Variants in MYL3 observed in about 807,000 individuals in gnomAD.
The protein encoded by MYL3 is CMLC1.
Under a neutral mutation model 21.3 loss-of-function variants are expected in MYL3, and 11 were observed. That is an observed-to-expected ratio of 0.52 (90% CI 0.32 to 0.85). The LOEUF is 0.85. Ranked by LOEUF, MYL3 falls within the 40% of genes least tolerant of loss-of-function variation. The probability of loss-of-function intolerance (pLI) is 0.03; values close to 1 mark genes in which losing one functional copy is unlikely to be tolerated. For missense variants in MYL3, 206 were observed against 253.3 expected (o/e 0.81, Z 1.27); for synonymous variants, 88 against 91.6 (o/e 0.96, Z 0.22).
Position 46,874,208 on chromosome 3 carries a change from T to A in MYL3, c.-217-7608A>T, listed in dbSNP as rs2030064420. On this transcript the variant is annotated intron_variant, in intron 1 of 3. Transcript: ENST00000431168. This position sits in a 1 kb window ranked among gnomAD's most constrained non-coding sequence, Gnocchi z 4.1. The stretch of plus-strand genomic sequence containing the variant: ...CAGTTCAGCCAATGTCCACGGTGCC[T>A]CTGGGCCAGGCTTGGTGCAGCCTGC... Among the ~76,000 whole-genome samples, 2 of 152,174 alleles carry A rather than the reference T, an allele frequency of 1.3e-5. No homozygotes were observed. Among genetic ancestry groups the A allele is most frequent in the South Asian group, 2.1e-4 (1 of 4,830 alleles).
rs1221520963 is a variant in MYL3, at chr3:46,859,468, C to T, written c.481+7G>A. The T allele has an allele frequency of 6.2e-7, 1 of 1,613,928 alleles. No individual in the cohort carries two copies. Among genetic ancestry groups the T allele is most frequent in the Non-Finnish European group, 8.5e-7 (1 of 1,179,990 alleles). Reference sequence around the variant, plus strand: ...GGAGTTGGGGTAGGGGAGGAGGCTGCCCTCACCCAGCGTGGCCAGCACGTG... The same window carrying T: ...GGAGTTGGGGTAGGGGAGGAGGCTGTCCTCACCCAGCGTGGCCAGCACGTG... On this transcript the variant is annotated splice_region_variant and intron_variant, in intron 4 of 6. Coordinates refer to ENST00000292327, the MANE Select transcript of MYL3 (RefSeq NM_000258.3). The surrounding 1 kb of genome is among the most constrained non-coding windows in gnomAD (Gnocchi z 4.1).
rs1300664035 is a variant in MYL3, at chr3:46,860,078, T to C, written c.308-430A>G. On this transcript the variant is annotated intron_variant, in intron 3 of 6. Coordinates refer to ENST00000292327, the MANE Select transcript of MYL3 (RefSeq NM_000258.3). The surrounding 1 kb of genome is among the most constrained non-coding windows in gnomAD (Gnocchi z 4.6). ...TTGGTGGGGGCTTGGGCCTCACTCC[T>C]TTTTTTTTTTTTAGCTTTAAAATTT... 4.3e-5 allele frequency among the ~76,000 whole-genome samples: 6 copies of C among 140,526 alleles called. No homozygotes were observed. Among genetic ancestry groups the C allele is most frequent in the Admixed American group, 2.8e-4 (4 of 14,104 alleles). 92.2% of individuals were successfully genotyped at this position (140,526 alleles called of 152,430 possible).
Position 46,860,548 on chromosome 3 carries a change from G to A in MYL3, c.307+128C>T, listed in dbSNP as rs752517071. 8.6e-5 allele frequency: 116 copies of A among 1,343,566 alleles called. No individual in the cohort carries two copies. Among genetic ancestry groups the A allele is most frequent in the East Asian group, 1.2e-4 (5 of 40,070 alleles). 83.2% of individuals were successfully genotyped at this position (1,343,566 alleles called of 1,614,324 possible). Reference sequence around the variant, plus strand: ...TCGGCATGGCCCTGTGACTGGCCTCGGTGCCCTCATCGGGACAATGCGAGA... The same window carrying A: ...TCGGCATGGCCCTGTGACTGGCCTCAGTGCCCTCATCGGGACAATGCGAGA... On this transcript the variant is annotated intron_variant, in intron 3 of 6. Transcript: ENST00000292327. This position sits in a 1 kb window ranked among gnomAD's most constrained non-coding sequence, Gnocchi z 4.6.
upstream of MYL3, chr3:46,863,589 C>G: frequency 1.7e-6 from 1 of 585,490 alleles, no homozygotes; most frequent in Non-Finnish European, 3.0e-6. Context: ...GGGCATTGTT[C>G]AGGCTCAGGA....
Position 46,859,383 on chromosome 3 carries a change from C to T in MYL3, c.481+92G>A. ...CCTAATTATGTAACTCTCTCCATTT[C>T]ACCAATGGGTCACAGGCCTGGGGGG... On this transcript the variant is annotated intron_variant, in intron 4 of 6. Coordinates refer to ENST00000292327, the MANE Select transcript of MYL3 (RefSeq NM_000258.3). The surrounding 1 kb of genome is among the most constrained non-coding windows in gnomAD (Gnocchi z 4.1). 1.3e-6 allele frequency: 2 copies of T among 1,526,818 alleles called. No individual in the cohort carries two copies. The highest frequency in any genetic ancestry group is 1.8e-6 in the Non-Finnish European group (2 of 1,106,586). 94.6% of individuals were successfully genotyped at this position (1,526,818 alleles called of 1,614,324 possible).
At position 46,870,762 on chromosome 3, in the gene MYL3, C is replaced by T. The variant is rs377095852; in HGVS notation, c.-217-4162G>A. 9.2e-5 allele frequency among the ~76,000 whole-genome samples: 14 copies of T among 152,230 alleles called. No individual in the cohort carries two copies. In the South Asian group the frequency reaches 1.0e-3, roughly 11 times the overall value. On this transcript the variant is annotated intron_variant, in intron 1 of 3. Transcript: ENST00000431168. ...TGTCTGTCTGGAGATACCTATGGGC[C>T]CCTAGACACTCCCTACTCCACCTAC...
At chr3:46,863,907 G>A (rs907093523), upstream of MYL3, among the ~76,000 whole-genome samples, 4 of 152,080 alleles carry the variant, frequency 2.6e-5, no homozygotes, top group South Asian at 2.1e-4. Flanking sequence ...GTCTATGACC[G>A]TGTCCATGTG....
chr3:46,868,302 G>A (rs1702068849), upstream of MYL3, among the ~76,000 whole-genome samples: 1 of 152,190 alleles, frequency 6.6e-6, no homozygotes, highest in Non-Finnish European at 1.5e-5. Flanking sequence ...GGGGCACTGT[G>A]ATTCCAGGTT....
chr3:46,874,753 C>A lies in MYL3; in HGVS notation c.-218+7321G>T, dbSNP rs2030090898. Among the ~76,000 whole-genome samples, 1 of 152,270 alleles carries A rather than the reference C, an allele frequency of 6.6e-6. No individual in the cohort carries two copies. The highest frequency in any genetic ancestry group is 1.5e-5 in the Non-Finnish European group (1 of 68,018). On this transcript the variant is annotated intron_variant, in intron 1 of 3. Transcript: ENST00000431168. This position sits in a 1 kb window ranked among gnomAD's most constrained non-coding sequence, Gnocchi z 4.1. ...CCCCCCCCCACACACACAATAGGGA[C>A]GCACTAGGCTTCTGGGGATTTTACA...
chr3:46,871,912 C>T (rs1304167925), intron 1 of MYL3, among the ~76,000 whole-genome samples: 2 of 152,216 alleles, frequency 1.3e-5, no homozygotes, highest in African/African-American at 2.4e-5. Flanking sequence ...CATCATCCTC[C>T]CATCCAAAGC....
intron 1 of MYL3, chr3:46,877,750 A>G (rs751782114): frequency 3.9e-5 from 6 of 152,268 alleles, no homozygotes; most frequent in Non-Finnish European, 5.9e-5. Context: ...CCTGAGCCAC[A>G]GAAGCTGCTC....
upstream of MYL3, among the ~76,000 whole-genome samples, chr3:46,865,611 T>C (rs1373673916): frequency 6.6e-6 from 1 of 152,150 alleles, no homozygotes; most frequent in Non-Finnish European, 1.5e-5. The surrounding 1 kb of genome is among the most constrained non-coding windows in gnomAD (Gnocchi z 4.3). Context: ...CTCACACAAT[T>C]ACCACCCCTT....
Position 46,858,088 on chromosome 3 carries a change from C to T in MYL3, c.*27G>A, listed in dbSNP as rs199474710. ...GGGAGATGAGACGTCCCTGCACAGC[C>T]TTCCCTGGGCTTCCTGAGAGCAAAG... On this transcript the variant is annotated 3_prime_UTR_variant, in exon 7 of 7. Coordinates refer to ENST00000292327, the MANE Select transcript of MYL3 (RefSeq NM_000258.3). 1.2e-5 allele frequency: 12 copies of T among 973,896 alleles called. No individual in the cohort carries two copies. The Admixed American group carries it at 1.7e-4, about 14-fold the overall frequency. 60.3% of individuals were successfully genotyped at this position (973,896 alleles called of 1,614,324 possible). A position where few individuals can be genotyped will look rare whatever the true frequency, so the allele number is the denominator to read the frequency against.
rs570519012 is a variant in MYL3 at position 46,876,546 on chromosome 3, C to T, written c.-218+5528G>A. Among the ~76,000 whole-genome samples the T allele has an allele frequency of 3.2e-4, 48 of 152,332 alleles. 1 individual carries two copies. In the South Asian group the frequency reaches 9.7e-3, roughly 31 times the overall value. On this transcript the variant is annotated intron_variant, in intron 1 of 3. Transcript: ENST00000431168. ...GGCCAGTCCATTCTGCTCTTTGGTCCCGTTTCCTCCACCTGGAGGCCAGGT... is the reference window on the plus strand; with the variant it reads ...GGCCAGTCCATTCTGCTCTTTGGTCTCGTTTCCTCCACCTGGAGGCCAGGT...
Position 46,860,576 on chromosome 3 carries a change from T to C in MYL3, c.307+100A>G. On this transcript the variant is annotated intron_variant, in intron 3 of 6. Transcript: ENST00000292327. The surrounding 1 kb of genome is among the most constrained non-coding windows in gnomAD (Gnocchi z 4.6). ...GCCCTCATCGGGACAATGCGAGATG[T>C]CAGGAAAGATTCTCGTGCTATCCCG... The C allele has an allele frequency of 6.5e-7, 1 of 1,527,858 alleles. No homozygotes were observed. The highest frequency in any genetic ancestry group is 1.8e-5 in the Admixed American group (1 of 56,058). 94.6% of individuals were successfully genotyped at this position (1,527,858 alleles called of 1,614,324 possible).
upstream of MYL3, among the ~76,000 whole-genome samples, chr3:46,867,548 G>A (rs1702057949): frequency 6.6e-6 from 1 of 152,248 alleles, no homozygotes; most frequent in African/African-American, 2.4e-5. Flanking sequence ...AGGAGGTAAG[G>A]GCCAGCTGTC....
At position 46,859,847 on chromosome 3, in the gene MYL3, GC is replaced by G. The variant is rs1701971281; in HGVS notation, c.308-200del. 6.6e-6 allele frequency among the ~76,000 whole-genome samples: 1 copy of G among 152,204 alleles called. No individual in the cohort carries two copies. Among genetic ancestry groups the G allele is most frequent in the Non-Finnish European group, 1.5e-5 (1 of 68,038 alleles). ...GGCACTTTACAGTCTACTGAGCAAT[GC>G]ACTGTTTCCATAGCCCTTTGCTATT... On this transcript the variant is annotated intron_variant, in intron 3 of 6. Coordinates refer to ENST00000292327, the MANE Select transcript of MYL3 (RefSeq NM_000258.3). The surrounding 1 kb of genome is among the most constrained non-coding windows in gnomAD (Gnocchi z 4.1).
chr3:46,860,953 T>C lies in MYL3; in HGVS notation c.157+7A>G, dbSNP rs1180126343. On this transcript the variant is annotated splice_region_variant and intron_variant, in intron 2 of 6. Coordinates refer to ENST00000292327, the MANE Select transcript of MYL3 (RefSeq NM_000258.3). This position sits in a 1 kb window ranked among gnomAD's most constrained non-coding sequence, Gnocchi z 4.6. ...CTGCAACCCCTGGGTTCAAGACCCC[T>C]GCTCACCTTCAATCTGCTCAGGTGT... 1 of 1,614,028 alleles carries C rather than the reference T, an allele frequency of 6.2e-7. No homozygotes were observed. Among genetic ancestry groups the C allele is most frequent in the South Asian group, 1.1e-5 (1 of 91,082 alleles).
chr3:46,871,372 G>A (rs1702112009), intron 1 of MYL3, among the ~76,000 whole-genome samples: 1 of 152,144 alleles, frequency 6.6e-6, no homozygotes, highest in Admixed American at 6.5e-5. Context: ...GAGTAGCTGA[G>A]CCGGGAGGTC....
Sources: gnomAD v4.1 joint callset for allele counts (sites outside exome capture counted in the v4.1 genomes callset) on GRCh38, gnomAD v4.1.1 for gene constraint, Gnocchi (gnomAD v3.1) non-coding constraint, MANE v1.5 for transcripts, NCBI Gene and HGNC (gene_info 2026-07-23, HGNC 2026-07-21) for gene names.